ACTR3C: variants seen among roughly 807,000 people sequenced by gnomAD.
ACTR3C encodes actin-related protein 3C.
A neutral mutation model predicts 26.3 loss-of-function variants in ACTR3C; 18 were observed. The observed-to-expected ratio is 0.68, with a 90% CI of 0.47 to 1.01. The LOEUF is 1.01. Ranked by LOEUF, ACTR3C falls within the 50% of genes least tolerant of loss-of-function variation. ACTR3C has a pLI of 0.00. For synonymous variants in ACTR3C, 55 were observed against 94.5 expected, an observed-to-expected ratio of 0.58 and a Z score of 2.42; for missense variants, 184 against 250.7, an observed-to-expected ratio of 0.73 and a Z score of 1.80.
chr7:150,148,126 T>C, the ACTR3C span, among the ~76,000 whole-genome samples: 1 of 133,562 alleles, frequency 7.5e-6, no homozygotes, highest in African/African-American at 2.8e-5. Flanking sequence ...ATAACAAACC[T>C]GCACATGCAC....
the ACTR3C span, among the ~76,000 whole-genome samples, chr7:150,070,779 A>AT: frequency 1.4e-5 from 2 of 146,992 alleles, no homozygotes; most frequent in African/African-American, 5.1e-5. Flanking sequence ...ACATAAGGCA[A>AT]TTTTTTTCTT....
the ACTR3C span, among the ~76,000 whole-genome samples, chr7:150,224,595 G>T: frequency 1.3e-5 from 2 of 152,206 alleles, no homozygotes; most frequent in South Asian, 4.1e-4. Flanking sequence ...CTGCTCTAAA[G>T]CAATTCTGAA....
the ACTR3C span, among the ~76,000 whole-genome samples, chr7:149,926,331 G>A: frequency 6.6e-6 from 1 of 152,222 alleles, no homozygotes; most frequent in African/African-American, 2.4e-5. Flanking sequence ...CTGCTTGGAG[G>A]AATGGCCTTT....
chr7:150,134,043 G>A, the ACTR3C span, among the ~76,000 whole-genome samples: 399 of 152,192 alleles, frequency 2.6e-3, 3 homozygotes, highest in Non-Finnish European at 4.6e-3. Flanking sequence ...GCCTGGCCAA[G>A]AGATTTCTTA....
the ACTR3C span, among the ~76,000 whole-genome samples, chr7:150,225,967 G>T: frequency 1.3e-5 from 2 of 152,164 alleles, no homozygotes; most frequent in Non-Finnish European, 2.9e-5. Flanking sequence ...TTTCAGATGG[G>T]CTTCCTTCAG....
chr7:150,042,151 G>A, the ACTR3C span, among the ~76,000 whole-genome samples: 3 of 48,850 alleles, frequency 6.1e-5, no homozygotes, highest in Admixed American at 5.7e-4. Context: ...GGGGGAACCA[G>A]GGGCTGGCTC....
At chr7:150,108,284 ATT>A in the ACTR3C span, among the ~76,000 whole-genome samples, 2 of 149,706 alleles carry the variant, frequency 1.3e-5, no homozygotes, top group Admixed American at 1.3e-4. Context: ...TGAAAGAGAT[ATT>A]ATAAGTGTCA....
chr7:150,286,513 T>C lies in ACTR3C; in HGVS notation c.325A>G (p.Ile109Val). ...TCATACTTGGCAAATTCCTTGACTA[T>C]ATCGGGGCAAATGTAACAGTATTTC... is the stretch of plus-strand genomic sequence containing the variant. ...KEKYCYICPD[I>V]VKEFAKYDVD... Residue 109 changes from isoleucine (I) to valine (V), a missense_variant, in exon 5 of 8, where the codon ATA (isoleucine) becomes GTA (valine). Coordinates refer to ENST00000683684, the MANE Select transcript of ACTR3C (RefSeq NM_001164458.2). 6.2e-7 allele frequency: 1 copy of C among 1,611,518 alleles called. No homozygotes were observed.
chr7:150,064,673 C>T, the ACTR3C span, among the ~76,000 whole-genome samples: 1 of 151,978 alleles, frequency 6.6e-6, no homozygotes, highest in Admixed American at 6.6e-5. Context: ...CACACACACA[C>T]ACACACACAC....
At chr7:149,933,893 T>C in the ACTR3C span, among the ~76,000 whole-genome samples, 5 of 149,646 alleles carry the variant, frequency 3.3e-5, no homozygotes, top group South Asian at 4.3e-4. Flanking sequence ...CACTCAACAC[T>C]AGCAATGATC....
the ACTR3C span, among the ~76,000 whole-genome samples, chr7:150,182,486 G>A: frequency 6.6e-6 from 1 of 150,628 alleles, no homozygotes; most frequent in Non-Finnish European, 1.5e-5. Context: ...CTACCTGTCT[G>A]TTGCCCGTAA....
At chr7:149,946,283 C>G in the ACTR3C span, among the ~76,000 whole-genome samples, 1 of 152,104 alleles carries the variant, frequency 6.6e-6, no homozygotes, top group Non-Finnish European at 1.5e-5. Flanking sequence ...TCTTCTCCCT[C>G]GTGCTGAGAC....
the ACTR3C span, among the ~76,000 whole-genome samples, chr7:150,011,233 C>A: frequency 6.6e-6 from 1 of 152,072 alleles, no homozygotes; most frequent in East Asian, 1.9e-4. Context: ...TCTAAATAAC[C>A]AGGACAATGC....
the ACTR3C span, among the ~76,000 whole-genome samples, chr7:149,896,880 T>C: frequency 6.6e-6 from 1 of 151,332 alleles, no homozygotes; most frequent in Non-Finnish European, 1.5e-5. Flanking sequence ...ACCAACATGG[T>C]GAAACCTCAT....
chr7:150,295,317 T>C lies in ACTR3C; in HGVS notation c.-21A>G. On this transcript the variant is annotated 5_prime_UTR_variant, in exon 2 of 8. Coordinates refer to ENST00000683684, the MANE Select transcript of ACTR3C (RefSeq NM_001164458.2). ...AACATAATTTCTGCAAGATACTCTC[T>C]GTTTTCTGGTGTATTGAGTGGAGGT... The C allele has an allele frequency of 6.2e-7, 1 of 1,614,018 alleles. No homozygotes were observed. Among genetic ancestry groups the C allele is most frequent in the Non-Finnish European group, 8.5e-7 (1 of 1,179,832 alleles).
At chr7:150,123,099 G>A in the ACTR3C span, among the ~76,000 whole-genome samples, 1 of 151,586 alleles carries the variant, frequency 6.6e-6, no homozygotes, top group Non-Finnish European at 1.5e-5. Flanking sequence ...TGGGGGACAA[G>A]GGGAGGGATA....
chr7:150,039,738 G>T, the ACTR3C span, among the ~76,000 whole-genome samples: 4 of 145,348 alleles, frequency 2.8e-5, no homozygotes, highest in Non-Finnish European at 4.6e-5. Context: ...ACCCTCGCGG[G>T]GGGTGCCTCC....
chr7:149,966,318 G>A, the ACTR3C span, among the ~76,000 whole-genome samples: 1 of 152,154 alleles, frequency 6.6e-6, no homozygotes, highest in Non-Finnish European at 1.5e-5. Flanking sequence ...TGTCAGGCCT[G>A]GGATTAAACA....
At chr7:150,039,728 A>C in the ACTR3C span, among the ~76,000 whole-genome samples, 1 of 93,998 alleles carries the variant, frequency 1.1e-5, no homozygotes, top group Admixed American at 1.3e-4. Context: ...CTCAGTCCCC[A>C]CCCTCGCGGG....
Sources: allele counts gnomAD v4.1 joint callset (sites outside exome capture counted in the v4.1 genomes callset), GRCh38; gene constraint gnomAD v4.1.1; transcripts MANE v1.5; gene names NCBI Gene and HGNC (gene_info 2026-07-23, HGNC 2026-07-21).